The following MCF2L2 variants were observed in gnomAD, a reference collection of about 807,000 sequenced individuals.
MCF2L2 encodes the protein MCF.2 cell line derived transforming sequence-like 2.
In MCF2L2, 102 loss-of-function variants were observed where a neutral mutation model predicts 150.2. The ratio of observed to expected loss-of-function variants is 0.68; its 90% CI spans 0.58 to 0.80. The LOEUF is 0.80. MCF2L2 is among the 30% of genes least tolerant of loss of function. The pLI, the probability that MCF2L2 is intolerant of heterozygous loss-of-function variation, is 0.00. For synonymous variants in MCF2L2, 465 were observed against 491.3 expected (o/e 0.95, Z 0.71); for missense variants, 1,256 against 1,372.8 (o/e 0.91, Z 1.34).
intron 2 of MCF2L2, among the ~76,000 whole-genome samples, chr3:183,383,579 T>G (rs148164900): frequency 2.3e-4 from 35 of 152,228 alleles, no homozygotes; most frequent in African/African-American, 8.4e-4. Context: ...ACTCCAGGTA[T>G]CTGATCACCC....
At chr3:183,302,249 C>G (rs908810452) in intron 10 of MCF2L2, among the ~76,000 whole-genome samples, 2 of 152,196 alleles carry the variant, frequency 1.3e-5, no homozygotes, top group Non-Finnish European at 2.9e-5. Context: ...TTGCTTAGTA[C>G]TTTCTCATCT....
intron 3 of MCF2L2, chr3:183,378,248 T>C (rs1713307723): frequency 6.6e-6 from 1 of 151,768 alleles, no homozygotes; most frequent in Non-Finnish European, 1.5e-5. Flanking sequence ...AAGGGAGGGG[T>C]GGGGGCTCAT....
intron 15 of MCF2L2, chr3:183,271,015 C>CTAAG: frequency 7.6e-7 from 1 of 1,324,140 alleles, no homozygotes; most frequent in South Asian, 1.6e-5. Flanking sequence ...CGTCTATACC[C>CTAAG]TAAGTAAAAT....
Position 183,206,117 on chromosome 3 carries a change from G to A in MCF2L2, c.2805+5C>T, listed in dbSNP as rs374136781. 3.7e-5 allele frequency: 59 copies of A among 1,613,156 alleles called. No individual in the cohort carries two copies. Among genetic ancestry groups the A allele is most frequent in the African/African-American group, 3.1e-4 (23 of 74,898 alleles). On this transcript the variant is annotated splice_donor_5th_base_variant and intron_variant, in intron 24 of 29. Transcript: ENST00000328913. Reference sequence around the variant, plus strand: ...GGAGACCCATGGGGAAGGCATGAGCGTTACCTGCAGGATGTATTTCTCAAG... The same window carrying A: ...GGAGACCCATGGGGAAGGCATGAGCATTACCTGCAGGATGTATTTCTCAAG...
At chr3:183,245,036 T>C (rs1466454522) in intron 15 of MCF2L2, among the ~76,000 whole-genome samples, 1 of 152,094 alleles carries the variant, frequency 6.6e-6, no homozygotes, top group Non-Finnish European at 1.5e-5. Flanking sequence ...TTCTGTTTCT[T>C]TGTATGTCAA....
At chr3:183,363,793 G>C (rs1712356467) in intron 3 of MCF2L2, among the ~76,000 whole-genome samples, 1 of 151,574 alleles carries the variant, frequency 6.6e-6, no homozygotes, top group African/African-American at 2.4e-5. Flanking sequence ...ACAGAGCAAA[G>C]AGACAATATA....
At position 183,191,653 on chromosome 3, in the gene MCF2L2, T is replaced by C. The variant is rs1287317232; in HGVS notation, c.3016+1346A>G. 6.6e-5 allele frequency among the ~76,000 whole-genome samples: 10 copies of C among 152,202 alleles called. No homozygotes were observed. The East Asian group carries it at 1.9e-3, about 29-fold the overall frequency. Reference sequence around the variant, plus strand: ...CAAATTTCTTTCTCCTTCTTCACAATGTCATGGACAGATGATTCCTTCTTA... The same window carrying C: ...CAAATTTCTTTCTCCTTCTTCACAACGTCATGGACAGATGATTCCTTCTTA... On this transcript the variant is annotated intron_variant, in intron 27 of 29. Transcript: ENST00000328913.
intron 21 of MCF2L2, among the ~76,000 whole-genome samples, chr3:183,216,544 TATATATA>T (rs1333866281): frequency 1.5e-5 from 2 of 131,278 alleles, no homozygotes; most frequent in African/African-American, 5.8e-5. Context: ...AAAATATAAG[TATATATA>T]TTATATATAT....
At chr3:183,229,919 G>A (rs1723486803) in intron 16 of MCF2L2, 138 bp from the exon 17 acceptor site, 2 of 447,342 alleles carry the variant, frequency 4.5e-6, no homozygotes, top group South Asian at 1.1e-4. Context: ...CTATCGTATT[G>A]AGTACTTTCT....
chr3:183,406,385 C>A (rs1004395101), intron 1 of MCF2L2, among the ~76,000 whole-genome samples: 1 of 152,196 alleles, frequency 6.6e-6, no homozygotes, highest in Admixed American at 6.5e-5. Context: ...CCATTCAAAT[C>A]TTTTGCCCAT....
At chr3:183,418,447 G>C (rs1265421973) in intron 1 of MCF2L2, among the ~76,000 whole-genome samples, 1 of 152,154 alleles carries the variant, frequency 6.6e-6, no homozygotes, top group Non-Finnish European at 1.5e-5. Flanking sequence ...GTCCCCCAAA[G>C]TCTTAACTCA....
At chr3:183,280,817 C>T (rs1347686279) in intron 14 of MCF2L2, among the ~76,000 whole-genome samples, 3 of 147,162 alleles carry the variant, frequency 2.0e-5, no homozygotes, top group African/African-American at 7.6e-5. Flanking sequence ...CACTGCACTC[C>T]AGCCTGGGCA....
At chr3:183,347,487 T>C (rs911046754) in intron 3 of MCF2L2, among the ~76,000 whole-genome samples, 3 of 152,170 alleles carry the variant, frequency 2.0e-5, no homozygotes, top group Non-Finnish European at 2.9e-5. Flanking sequence ...ATTCAGGACA[T>C]AGGCGTGGCA....
chr3:183,326,361 G>A (rs1730026138), intron 5 of MCF2L2, among the ~76,000 whole-genome samples: 1 of 151,658 alleles, frequency 6.6e-6, no homozygotes, highest in South Asian at 2.1e-4. Context: ...GCATGGTGGT[G>A]GGTGCCTGTA....
chr3:183,207,601 C>A lies in MCF2L2; in HGVS notation c.2712+7G>T. The A allele has an allele frequency of 6.2e-7, 1 of 1,606,238 alleles. No individual in the cohort carries two copies. Among genetic ancestry groups the A allele is most frequent in the Non-Finnish European group, 8.5e-7 (1 of 1,172,926 alleles). On this transcript the variant is annotated splice_region_variant and intron_variant, in intron 23 of 29. Transcript: ENST00000328913. Reference sequence around the variant, plus strand: ...GCGACTCCCAGATGCAATAGGACTCCCTTTACCTTCATGGTCTTCTTGAAG... The same window carrying A: ...GCGACTCCCAGATGCAATAGGACTCACTTTACCTTCATGGTCTTCTTGAAG...
intron 20 of MCF2L2, among the ~76,000 whole-genome samples, chr3:183,220,843 C>A (rs112566477): frequency 6.6e-6 from 1 of 152,150 alleles, no homozygotes; most frequent in African/African-American, 2.4e-5. Context: ...ATGTCCTTTG[C>A]GCATCTTTTT....
intron 13 of MCF2L2, among the ~76,000 whole-genome samples, chr3:183,294,651 C>G (rs554693240): frequency 1.7e-5 from 2 of 118,596 alleles, no homozygotes; most frequent in African/African-American, 6.6e-5. Context: ...TTTTTTGAGA[C>G]GGAGTCTCGC....
chr3:183,194,763 T>C (rs1216279096), intron 26 of MCF2L2, among the ~76,000 whole-genome samples: 1 of 152,118 alleles, frequency 6.6e-6, no homozygotes, highest in Non-Finnish European at 1.5e-5. Flanking sequence ...TTTAATTTTT[T>C]ATATCTATTC....
chr3:183,334,640 A>G (rs1354783015), intron 5 of MCF2L2, among the ~76,000 whole-genome samples: 1 of 151,724 alleles, frequency 6.6e-6, no homozygotes, highest in Non-Finnish European at 1.5e-5. Context: ...AAAAAATACA[A>G]AAATTATCCG....
Sources: allele counts gnomAD v4.1 joint callset (sites outside exome capture counted in the v4.1 genomes callset), GRCh38; gene constraint gnomAD v4.1.1; transcripts MANE v1.5; gene names NCBI Gene and HGNC (gene_info 2026-07-23, HGNC 2026-07-21).